The following PSMC3 variants were observed in gnomAD, a reference collection of about 807,000 sequenced individuals.
PSMC3 encodes the protein 26S proteasome regulatory subunit 6A.
In PSMC3, 11 loss-of-function variants were observed where a neutral mutation model predicts 52.0. That is an observed-to-expected ratio of 0.21 (90% CI 0.13 to 0.35). The LOEUF is 0.35. Among genes scored for constraint, PSMC3 ranks in the 10% least tolerant of loss-of-function variants. PSMC3 has a pLI of 1.00. For missense variants in PSMC3, 238 were observed against 567.1 expected (o/e 0.42, Z 5.89); for synonymous variants, 201 against 218.8 (o/e 0.92, Z 0.72).
At position 47,418,960 on chromosome 11, in the gene PSMC3, AAC is replaced by A. The variant is rs1299908076; in HGVS notation, c.1210-17_1210-16del. 14 of 1,613,544 alleles carry A rather than the reference AAC, an allele frequency of 8.7e-6. No individual in the cohort carries two copies. The highest frequency in any genetic ancestry group is 6.7e-5 in the Admixed American group (4 of 59,938). On this transcript the variant is annotated splice_polypyrimidine_tract_variant and intron_variant, in intron 11 of 11. Coordinates refer to ENST00000298852, the MANE Select transcript of PSMC3 (RefSeq NM_002804.5). ...GCGATCATGCCCTACAGCCGGGACA[AAC>A]AGAGTCTAGGTCTGAACGCCTGAAT... is the stretch of plus-strand genomic sequence containing the variant.
At chr11:47,425,608 T>G in intron 2 of PSMC3, 2 of 545,798 alleles carry the variant, frequency 3.7e-6, no homozygotes, top group East Asian at 2.9e-5. Context: ...AGAAGGATTC[T>G]TGAGAGGATT....
At chr11:47,421,998 A>T (rs1341311419) in intron 8 of PSMC3, among the ~76,000 whole-genome samples, 3 of 151,000 alleles carry the variant, frequency 2.0e-5, no homozygotes, top group Non-Finnish European at 4.4e-5. Context: ...CTGTGGGTTC[A>T]TGTGAGCGAG....
intron 10 of PSMC3, 101 bp from the exon 11 acceptor site, chr11:47,419,298 C>A: frequency 7.8e-7 from 1 of 1,283,878 alleles, no homozygotes; most frequent in Admixed American, 1.8e-5. Context: ...AGTCAAGTTG[C>A]CCTGTGATCA....
At chr11:47,420,494 C>T in intron 9 of PSMC3, 85 bp from the exon 10 acceptor site, 2 of 1,546,402 alleles carry the variant, frequency 1.3e-6, no homozygotes, top group Non-Finnish European at 8.8e-7. Context: ...AGGCAGCCCC[C>T]AGAGTGCAGG....
At chr11:47,421,381 T>C (rs557017483) in intron 8 of PSMC3, among the ~76,000 whole-genome samples, 2 of 151,598 alleles carry the variant, frequency 1.3e-5, no homozygotes, top group South Asian at 4.2e-4. Flanking sequence ...GACGGTGCTG[T>C]ACAGGAGAGC....
intron 1 of PSMC3, 111 bp downstream of exon 1, chr11:47,426,094 C>T: frequency 7.0e-7 from 1 of 1,434,118 alleles, no homozygotes; most frequent in Non-Finnish European, 9.6e-7. Flanking sequence ...CCAAACAACC[C>T]CGTCCCCGGG....
Position 47,420,323 on chromosome 11 carries a change from C to T in PSMC3, c.1068G>A (p.Met356Ile), listed in dbSNP as rs2096038932. Residue 356 changes from methionine to isoleucine, a missense_variant, in exon 10 of 12, where the codon ATG (methionine) becomes ATA (isoleucine). Transcript: ENST00000298852. ...GRLDRKIEFPMPNEEARARIM... is the reference protein window; with the variant it reads ...GRLDRKIEFPIPNEEARARIM... ...TTCTGGCCCGGGCCTCCTCATTGGG[C>T]ATCGGGAACTCTATCTTGCGGTCAA... 1 of 1,614,190 alleles carries T rather than the reference C, an allele frequency of 6.2e-7. No individual in the cohort carries two copies. Among genetic ancestry groups the T allele is most frequent in the Middle Eastern group, 1.6e-4 (1 of 6,062 alleles).
chr11:47,419,962 G>A (rs10838708), intron 10 of PSMC3, among the ~76,000 whole-genome samples: 58,798 of 151,976 alleles, frequency 0.39, 12,358 homozygotes, highest in Middle Eastern at 0.48. Context: ...GGCCATTCCT[G>A]GCGTGTGTTA....
chr11:47,420,567 T>C (rs1475253860), intron 9 of PSMC3, 64 bp downstream of exon 9: 1 of 1,519,808 alleles, frequency 6.6e-7, no homozygotes, highest in East Asian at 2.4e-5. Flanking sequence ...ACTGGCTAGC[T>C]GGGGGCCTGA....
Position 47,424,352 on chromosome 11 carries a change from C to A in PSMC3, c.453+77G>T. The A allele has an allele frequency of 6.4e-7, 1 of 1,572,228 alleles. No homozygotes were observed. The highest frequency in any genetic ancestry group is 8.7e-7 in the Non-Finnish European group (1 of 1,143,016). ...GGAGCTGTTCTGCCAAGATTCAGAG[C>A]CAACAGTGACCTGGGGCGGGTACAG... On this transcript the variant is annotated intron_variant, in intron 5 of 11. Coordinates refer to ENST00000298852, the MANE Select transcript of PSMC3 (RefSeq NM_002804.5). The surrounding 1 kb of genome is among the most constrained non-coding windows in gnomAD (Gnocchi z 4.8).
rs142894968 is a variant in PSMC3, at chr11:47,418,835, C to T, written c.1320G>A (p.Ter440=). The T allele has an allele frequency of 3.0e-5, 48 of 1,613,050 alleles. No homozygotes were observed. In the African/African-American group the frequency reaches 5.7e-4, roughly 19 times the overall value. Reference sequence around the variant, plus strand: ...TGAGACTGGGGCTGGCCTGTGTGCCCTAGGCGTAGTATTGTAGGTTGGCTT... The same window carrying T: ...TGAGACTGGGGCTGGCCTGTGTGCCTTAGGCGTAGTATTGTAGGTTGGCTT... ...KKKANLQYYA[*] is the part of the protein sequence containing the mutation. The change falls in exon 12 of 12, where the codon TAG becomes TAA. Residue 440 remains the stop codon, a stop_retained_variant. Coordinates refer to ENST00000298852, the MANE Select transcript of PSMC3 (RefSeq NM_002804.5).
rs759155129 is a variant in PSMC3, at chr11:47,418,784, C to T, written c.*51G>A. The T allele has an allele frequency of 6.5e-6, 10 of 1,538,158 alleles. No homozygotes were observed. The highest frequency in any genetic ancestry group is 4.5e-5 in the South Asian group (4 of 88,514). On this transcript the variant is annotated 3_prime_UTR_variant, in exon 12 of 12. Transcript: ENST00000298852. ...GACAAGCAGCGGCAGGGACCCTAAACCATCTTTTATTGCGCACTTCAGCCG... is the reference window on the plus strand; with the variant it reads ...GACAAGCAGCGGCAGGGACCCTAAATCATCTTTTATTGCGCACTTCAGCCG...
In PSMC3 at chr11:47,422,391, C is replaced by A. The variant is rs960362647; in HGVS notation, c.884+183G>T. ...TGCTGGCAGCTGTGGGAATGAATGG[C>A]TGGGGAAACAGGGAGGCTATTGATC... On this transcript the variant is annotated intron_variant, in intron 8 of 11. Transcript: ENST00000298852. This position sits in a 1 kb window ranked among gnomAD's most constrained non-coding sequence, Gnocchi z 4.3. Among the ~76,000 whole-genome samples, 1 of 152,092 alleles carries A rather than the reference C, an allele frequency of 6.6e-6. No individual in the cohort carries two copies. Among genetic ancestry groups the A allele is most frequent in the African/African-American group, 2.4e-5 (1 of 41,402 alleles).
intron 11 of PSMC3, 60 bp from the exon 12 acceptor site, chr11:47,419,005 G>A (rs2096036650): frequency 1.9e-6 from 3 of 1,607,130 alleles, no homozygotes; most frequent in Middle Eastern, 3.3e-4. Flanking sequence ...CTGGCTCCCT[G>A]AGGCTCAGGC....
rs140461616 is a variant in PSMC3 at position 47,420,500 on chromosome 11, G to A, written c.982-91C>T. On this transcript the variant is annotated intron_variant, in intron 9 of 11. Coordinates refer to ENST00000298852, the MANE Select transcript of PSMC3 (RefSeq NM_002804.5). ...AAGGCAGAGAGGCAGCCCCCAGAGTGCAGGTGAGACACATGGGATGTTAAA... is the reference window on the plus strand; with the variant it reads ...AAGGCAGAGAGGCAGCCCCCAGAGTACAGGTGAGACACATGGGATGTTAAA... 6.2e-4 allele frequency: 959 copies of A among 1,536,122 alleles called. 19 individuals are homozygous for A. The East Asian group carries it at 0.022, about 35-fold the overall frequency.
In PSMC3 at chr11:47,424,744, T is replaced by G; in HGVS notation, c.286-33A>C. On this transcript the variant is annotated intron_variant, in intron 3 of 11. Coordinates refer to ENST00000298852, the MANE Select transcript of PSMC3 (RefSeq NM_002804.5). This position sits in a 1 kb window ranked among gnomAD's most constrained non-coding sequence, Gnocchi z 4.8. ...GGAAAAAATACTCAGCTCCTTGAACTCCCCAAGGCCCAGTGCTTCCTAAGA... is the reference window on the plus strand; with the variant it reads ...GGAAAAAATACTCAGCTCCTTGAACGCCCCAAGGCCCAGTGCTTCCTAAGA... The G allele has an allele frequency of 6.6e-7, 1 of 1,521,266 alleles. No individual in the cohort carries two copies. Among genetic ancestry groups the G allele is most frequent in the South Asian group, 1.1e-5 (1 of 89,226 alleles). The allele number at this position is 1,521,266 out of a possible 1,614,324, so 94.2% of individuals were successfully genotyped here.
chr11:47,422,925 T>C lies in PSMC3; in HGVS notation c.640A>G (p.Asn214Asp). 1 of 1,613,766 alleles carries C rather than the reference T, an allele frequency of 6.2e-7. No homozygotes were observed. Among genetic ancestry groups the C allele is most frequent in the Non-Finnish European group, 8.5e-7 (1 of 1,179,884 alleles). ...LPMNHKEKFENLGIQPPKGVL... is the reference protein window; with the variant it reads ...LPMNHKEKFEDLGIQPPKGVL... ...CCTTTTGGAGGTTGGATCCCCAAGT[T>C]CTCAAACTTCTCCTTGTGGTTCATT... The change falls in exon 7 of 12, where the codon AAC becomes GAC. Residue 214 changes from asparagine to aspartate, a missense_variant. This residue lies in a region of PSMC3 where 60 missense variants were observed against 117.3 expected (regional missense o/e 0.51). Transcript: ENST00000298852. The surrounding 1 kb of genome is among the most constrained non-coding windows in gnomAD (Gnocchi z 4.3).
chr11:47,423,330 C>T (rs1339237674), intron 6 of PSMC3, among the ~76,000 whole-genome samples: 1 of 150,988 alleles, frequency 6.6e-6, no homozygotes, highest in African/African-American at 2.4e-5. Flanking sequence ...GAACCCGGGA[C>T]GCGGAGCTCG....
chr11:47,422,848 G>A lies in PSMC3; in HGVS notation c.717C>T (p.Ala239=), dbSNP rs2096042202. 2 of 1,611,872 alleles carry A rather than the reference G, an allele frequency of 1.2e-6. No individual in the cohort carries two copies. Among genetic ancestry groups the A allele is most frequent in the Non-Finnish European group, 1.7e-6 (2 of 1,178,714 alleles). ...PGTGKTLLAR[A]CAAQTKATFL... ...TACTCACCTTAGTCTGTGCGGCACA[G>A]GCCCGGGCCAGGAGGGTCTTCCCCG... Residue 239 remains alanine (A), a synonymous_variant, in exon 7 of 12, where the codon GCC becomes GCT. Transcript: ENST00000298852. The surrounding 1 kb of genome is among the most constrained non-coding windows in gnomAD (Gnocchi z 4.3).
Sources: gnomAD v4.1 joint callset for allele counts (sites outside exome capture counted in the v4.1 genomes callset) on GRCh38, gnomAD v4.1.1 for gene constraint, gnomAD v4.1.1 regional missense constraint, Gnocchi (gnomAD v3.1) non-coding constraint, MANE v1.5 for transcripts, NCBI Gene and HGNC (gene_info 2026-07-23, HGNC 2026-07-21) for gene names.